The following EZH2 variants were observed in gnomAD, a reference collection of about 807,000 sequenced individuals.
The protein encoded by EZH2 is histone-lysine N-methyltransferase EZH2.
A neutral mutation model predicts 98.4 loss-of-function variants in EZH2; 18 were observed. That is an observed-to-expected ratio of 0.18 (90% CI 0.13 to 0.27). The LOEUF is 0.27. EZH2 is among the 10% of genes least tolerant of loss of function. The pLI, the probability that EZH2 is intolerant of heterozygous loss-of-function variation, is 1.00. For missense variants in EZH2, 470 were observed against 935.1 expected (o/e 0.50, Z 6.49); for synonymous variants, 338 against 312.3 (o/e 1.08, Z -0.87).
At chr7:148,866,361 A>G (rs1818442162) in intron 1 of EZH2, among the ~76,000 whole-genome samples, 1 of 151,836 alleles carries the variant, frequency 6.6e-6, no homozygotes, top group East Asian at 1.9e-4. Flanking sequence ...GCCCTTATAC[A>G]AGAGTCTGAC....
chr7:148,879,153 A>G (rs1820593098), intron 1 of EZH2, among the ~76,000 whole-genome samples: 1 of 151,846 alleles, frequency 6.6e-6, no homozygotes. Context: ...TGAACCCAGG[A>G]GGCAGAGGTT....
chr7:148,826,774 C>T, intron 7 of EZH2, 142 bp from the exon 8 acceptor site: 2 of 544,484 alleles, frequency 3.7e-6, no homozygotes, highest in Admixed American at 7.9e-5. Context: ...AGATAAAGAG[C>T]CAACTAAATA....
chr7:148,821,175 A>G (rs1292264636), intron 8 of EZH2: 1 of 152,136 alleles, frequency 6.6e-6, no homozygotes, highest in Non-Finnish European at 1.5e-5. Context: ...AAAACCATTA[A>G]TAACTACAGA....
chr7:148,810,896 C>CAAAAAAAA (rs924758768), intron 16 of EZH2, among the ~76,000 whole-genome samples: 13 of 43,662 alleles, frequency 3.0e-4, no homozygotes, highest in African/African-American at 1.1e-3. Context: ...AACTCTGTCT[C>CAAAAAAAA]AAAAAAAAAA....
intron 1 of EZH2, among the ~76,000 whole-genome samples, chr7:148,852,566 A>G: frequency 6.6e-6 from 1 of 150,406 alleles, no homozygotes. Context: ...GTTTCCTGCA[A>G]TGCTAGGACA....
chr7:148,864,091 C>G (rs1264691087), intron 1 of EZH2, among the ~76,000 whole-genome samples: 1 of 152,222 alleles, frequency 6.6e-6, no homozygotes, highest in African/African-American at 2.4e-5. Context: ...ATTTAGCAAT[C>G]TTAGCTGAAT....
chr7:148,869,416 G>A (rs1819006412), intron 1 of EZH2, among the ~76,000 whole-genome samples: 1 of 142,384 alleles, frequency 7.0e-6, no homozygotes, highest in Admixed American at 7.6e-5. Context: ...TGCAAACACG[G>A]CTCACTGCAG....
intron 6 of EZH2, among the ~76,000 whole-genome samples, chr7:148,827,467 G>A (rs1808052788): frequency 6.6e-6 from 1 of 152,070 alleles, no homozygotes. Context: ...ATTCAAATAT[G>A]AAAAGCTTTA....
intron 1 of EZH2, among the ~76,000 whole-genome samples, chr7:148,856,563 T>C (rs752736870): frequency 4.6e-5 from 7 of 152,182 alleles, no homozygotes; most frequent in Non-Finnish European, 8.8e-5. Context: ...AAATACCACC[T>C]TCCAATAAAT....
rs1423758859 is a variant in EZH2 at position 148,819,820 on chromosome 7, C to A, written c.908-133G>T. On this transcript the variant is annotated intron_variant, in intron 8 of 19. Transcript: ENST00000320356. Reference sequence around the variant, plus strand: ...ATGTGGTTTACGTTACTTCATACAACTTTCCTTCAGGCTCTTACTGAATGA... The same window carrying A: ...ATGTGGTTTACGTTACTTCATACAAATTTCCTTCAGGCTCTTACTGAATGA... 3 of 715,756 alleles carry A rather than the reference C, an allele frequency of 4.2e-6. No individual in the cohort carries two copies. The East Asian group carries it at 8.2e-5, about 19-fold the overall frequency. 44.3% of individuals were successfully genotyped at this position (715,756 alleles called of 1,614,324 possible).
intron 1 of EZH2, among the ~76,000 whole-genome samples, chr7:148,862,169 A>G (rs2129488442): frequency 6.6e-6 from 1 of 152,344 alleles, no homozygotes; most frequent in East Asian, 1.9e-4. Flanking sequence ...TAGATGCAAC[A>G]TGGAATCCGA....
At chr7:148,826,132 A>G (rs1222936910) in intron 8 of EZH2, among the ~76,000 whole-genome samples, 1 of 152,184 alleles carries the variant, frequency 6.6e-6, no homozygotes, top group African/African-American at 2.4e-5. Flanking sequence ...CATCAATATC[A>G]GCAATGTTGC....
chr7:148,820,071 A>ACC (rs1805570344), intron 8 of EZH2, among the ~76,000 whole-genome samples: 2 of 152,178 alleles, frequency 1.3e-5, no homozygotes, highest in Admixed American at 1.3e-4. Flanking sequence ...TCTGACATAC[A>ACC]ATTTCTTGAT....
intron 8 of EZH2, among the ~76,000 whole-genome samples, chr7:148,821,731 T>C (rs527459403): frequency 4.6e-5 from 7 of 152,284 alleles, no homozygotes; most frequent in Admixed American, 2.0e-4. Flanking sequence ...GAAGCTGAGA[T>C]AGGAGAAGAG....
chr7:148,824,067 C>G (rs1806959409), intron 8 of EZH2, among the ~76,000 whole-genome samples: 1 of 152,138 alleles, frequency 6.6e-6, no homozygotes, highest in Non-Finnish European at 1.5e-5. Context: ...GTAGTCCCAA[C>G]ACTTTGGGAG....
chr7:148,847,110 CT>C, intron 2 of EZH2, 71 bp downstream of exon 2: 2 of 1,508,436 alleles, frequency 1.3e-6, no homozygotes, highest in South Asian at 2.6e-5. Flanking sequence ...TAAATAAAAA[CT>C]TATTGAACTT....
intron 8 of EZH2, among the ~76,000 whole-genome samples, chr7:148,823,674 T>TG (rs1480946701): frequency 6.6e-6 from 1 of 150,978 alleles, no homozygotes; most frequent in African/African-American, 2.4e-5. Flanking sequence ...TTTTAAGAGA[T>TG]GGGGTCTCAC....
intron 1 of EZH2, among the ~76,000 whole-genome samples, chr7:148,862,621 G>A (rs1817849593): frequency 6.6e-6 from 1 of 152,124 alleles, no homozygotes; most frequent in Non-Finnish European, 1.5e-5. Flanking sequence ...GAAAAAAGTG[G>A]CTAGTGGAGC....
At chr7:148,814,724 A>T (rs1563203317) in intron 14 of EZH2, among the ~76,000 whole-genome samples, 190 bp downstream of exon 14, 2 of 152,206 alleles carry the variant, frequency 1.3e-5, no homozygotes, top group African/African-American at 2.4e-5. Flanking sequence ...ACACAGACAC[A>T]CAACACCCAG....
Sources: allele counts gnomAD v4.1 joint callset (sites outside exome capture counted in the v4.1 genomes callset), GRCh38; gene constraint gnomAD v4.1.1; transcripts MANE v1.5; gene names NCBI Gene and HGNC (gene_info 2026-07-23, HGNC 2026-07-21).